DRD3: variants seen among roughly 807,000 people sequenced by gnomAD.
DRD3 encodes the protein dopamine receptor D3.
DRD3 carries 19 observed loss-of-function variants against 36.3 expected under a neutral mutation model. That is an observed-to-expected ratio of 0.52 (90% CI 0.36 to 0.77). The LOEUF (loss-of-function observed/expected upper bound fraction) is 0.77. DRD3 is among the 30% of genes least tolerant of loss of function. DRD3 has a pLI of 0.00. For missense variants in DRD3, 465 were observed against 505.3 expected (o/e 0.92, Z 0.77); for synonymous variants, 195 against 203.7 (o/e 0.96, Z 0.36).
At chr3:114,165,987 ATTTT>A (rs57837932) in intron 2 of DRD3, among the ~76,000 whole-genome samples, 2 of 112,384 alleles carry the variant, frequency 1.8e-5, no homozygotes. Context: ...AACAGTTTGT[ATTTT>A]TTTTTTTTTT....
intron 4 of DRD3, 45 bp downstream of exon 4, chr3:114,147,370 T>G: frequency 6.3e-7 from 1 of 1,596,322 alleles, no homozygotes; most frequent in South Asian, 1.1e-5. Flanking sequence ...CATTCAGCTG[T>G]GCTGTGAATC....
chr3:114,187,454 A>T (rs2077981639), intron 1 of DRD3, among the ~76,000 whole-genome samples: 14 of 152,218 alleles, frequency 9.2e-5, no homozygotes, highest in Admixed American at 9.2e-4. Context: ...AGCAGACAGG[A>T]CTTGTAGGAC....
At chr3:114,130,484 G>A (rs1423507045) in intron 6 of DRD3, among the ~76,000 whole-genome samples, 1 of 147,716 alleles carries the variant, frequency 6.8e-6, no homozygotes, top group South Asian at 2.1e-4. Context: ...GAGTGCAGTG[G>A]CGTGATCTTG....
chr3:114,142,911 C>A (rs2077539001), intron 4 of DRD3, among the ~76,000 whole-genome samples: 1 of 152,198 alleles, frequency 6.6e-6, no homozygotes, highest in Admixed American at 6.5e-5. Context: ...GTCCCCATTG[C>A]AGGCAGAGTG....
Position 114,139,715 on chromosome 3 carries a change from A to C in DRD3, c.527-19T>G. Reference sequence around the variant, plus strand: ...GGGTCCCCTGTGGATGAGAAGGGGGAAGGTAAAGCAGTTAGCAAGTATCAG... The same window carrying C: ...GGGTCCCCTGTGGATGAGAAGGGGGCAGGTAAAGCAGTTAGCAAGTATCAG... On this transcript the variant is annotated intron_variant, in intron 4 of 6. Transcript: ENST00000383673. 1 of 1,610,930 alleles carries C rather than the reference A, an allele frequency of 6.2e-7. No homozygotes were observed. The highest frequency in any genetic ancestry group is 1.3e-5 in the African/African-American group (1 of 74,958).
chr3:114,156,929 TTC>T lies in DRD3; in HGVS notation c.383+2824_383+2825del, dbSNP rs2077685687. On this transcript the variant is annotated intron_variant, in intron 3 of 6. Transcript: ENST00000383673. ...CTTCCTTCTTTCCTTCCTTCCTTCC[TTC>T]TCTTTCTTTCTTTCTTCCTTTCTTC... 1.4e-5 allele frequency among the ~76,000 whole-genome samples: 2 copies of T among 147,976 alleles called. 1 individual carries two copies. Among genetic ancestry groups the T allele is most frequent in the African/African-American group, 5.1e-5 (2 of 39,556 alleles).
chr3:114,189,139 A>C (rs1303353913), intron 1 of DRD3, among the ~76,000 whole-genome samples: 1 of 152,330 alleles, frequency 6.6e-6, no homozygotes, highest in African/African-American at 2.4e-5. Context: ...TATGGTTATC[A>C]TCTTTAATGA....
chr3:114,159,683 C>T, intron 3 of DRD3, 72 bp downstream of exon 3: 1 of 1,278,298 alleles, frequency 7.8e-7, no homozygotes, highest in Non-Finnish European at 1.1e-6. Flanking sequence ...CCCCAGTACC[C>T]TCAAGTGCAC....
rs1481285691 is a variant in DRD3, at chr3:114,154,331, GTGTGTGTGTGTGTGTA to G, written c.383+5408_383+5423del. Among the ~76,000 whole-genome samples the G allele has an allele frequency of 4.6e-5, 7 of 152,060 alleles. No homozygotes were observed. The South Asian group carries it at 1.2e-3, about 27-fold the overall frequency. Reference sequence around the variant, plus strand: ...CCCTGTCCCAGGGTGGGAGATGTGTGTGTGTGTGTGTGTGTATGTGTGTGTGTGTGCTGACAAGGGT... The same window carrying G: ...CCCTGTCCCAGGGTGGGAGATGTGTGTGTGTGTGTGTGTGCTGACAAGGGT... On this transcript the variant is annotated intron_variant, in intron 3 of 6. Coordinates refer to ENST00000383673, the MANE Select transcript of DRD3 (RefSeq NM_000796.6).
chr3:114,159,311 C>T (rs1208230158), intron 3 of DRD3, among the ~76,000 whole-genome samples: 2 of 151,870 alleles, frequency 1.3e-5, no homozygotes, highest in Non-Finnish European at 2.9e-5. Context: ...ATTATCCCTA[C>T]ACCTGCCCCT....
Position 114,127,920 on chromosome 3 carries a change from G to A in DRD3, c.*796C>T, listed in dbSNP as rs2077393486. ...TAGTGTTATGAAAAGCATATCTAAG[G>A]TATGTTCTGAACCATAAGTTTCAAC... On this transcript the variant is annotated 3_prime_UTR_variant, in exon 7 of 7. Coordinates refer to ENST00000383673, the MANE Select transcript of DRD3 (RefSeq NM_000796.6). Among the ~76,000 whole-genome samples, 1 of 152,168 alleles carries A rather than the reference G, an allele frequency of 6.6e-6. No individual in the cohort carries two copies. The highest frequency in any genetic ancestry group is 6.5e-5 in the Admixed American group (1 of 15,284).
At chr3:114,173,889 C>T (rs2077871722) in intron 1 of DRD3, among the ~76,000 whole-genome samples, 1 of 152,140 alleles carries the variant, frequency 6.6e-6, no homozygotes, top group Non-Finnish European at 1.5e-5. Context: ...AATTTGCCCT[C>T]AAGCCAGGTA....
In DRD3 at chr3:114,171,715, C is replaced by T; in HGVS notation, c.270+8G>A. ...CATAGAGACAACATGCACCTGAAGT[C>T]TACTCACCTCCAGGTATACCACCCA... is the stretch of plus-strand genomic sequence containing the variant. On this transcript the variant is annotated splice_region_variant and intron_variant, in intron 2 of 6. Coordinates refer to ENST00000383673, the MANE Select transcript of DRD3 (RefSeq NM_000796.6). 1 of 1,585,096 alleles carries T rather than the reference C, an allele frequency of 6.3e-7. No homozygotes were observed. The highest frequency in any genetic ancestry group is 8.6e-7 in the Non-Finnish European group (1 of 1,165,170).
intron 5 of DRD3, among the ~76,000 whole-genome samples, chr3:114,134,110 G>A (rs889693848): frequency 3.9e-5 from 6 of 152,124 alleles, no homozygotes; most frequent in Non-Finnish European, 7.4e-5. Context: ...TGTTTTCTAC[G>A]TAAGTTATTC....
intron 2 of DRD3, among the ~76,000 whole-genome samples, chr3:114,169,685 A>G (rs1486009): frequency 0.066 from 10,037 of 152,090 alleles, 372 homozygotes; most frequent in South Asian, 0.11. Context: ...ATTTCCTGTC[A>G]TTTTCTATAG....
rs147502467 is a variant in DRD3 at position 114,129,461 on chromosome 3, TA to T, written c.1007-550del. Among the ~76,000 whole-genome samples, 1,129 of 152,382 alleles carry T rather than the reference TA, an allele frequency of 7.4e-3. 18 individuals carry two copies. The highest frequency in any genetic ancestry group is 0.026 in the African/African-American group (1,079 of 41,586). ...TTTCATTCACTTTGGCCTTTGTTAC[TA>T]AATCAGTTTTCTAGTTGGGTCTCTA... On this transcript the variant is annotated intron_variant, in intron 6 of 6. Transcript: ENST00000383673.
intron 2 of DRD3, among the ~76,000 whole-genome samples, chr3:114,170,820 T>C (rs2077833008): frequency 6.6e-6 from 1 of 152,236 alleles, no homozygotes. Flanking sequence ...TGATCCTTCA[T>C]TGGATACCTC....
intron 1 of DRD3, among the ~76,000 whole-genome samples, chr3:114,184,507 T>C (rs971087622): frequency 6.6e-6 from 1 of 152,098 alleles, no homozygotes; most frequent in African/African-American, 2.4e-5. Flanking sequence ...CTTGCATTTA[T>C]TGAGCTCTTT....
chr3:114,159,663 T>C (rs1302225527), intron 3 of DRD3, 92 bp downstream of exon 3: 12 of 960,484 alleles, frequency 1.2e-5, no homozygotes, highest in Non-Finnish European at 2.0e-5. Context: ...CAAGTTCTAC[T>C]TGGAGGTGAC....
Sources: gnomAD v4.1 joint callset for allele counts (sites outside exome capture counted in the v4.1 genomes callset) on GRCh38, gnomAD v4.1.1 for gene constraint, MANE v1.5 for transcripts, NCBI Gene and HGNC (gene_info 2026-07-23, HGNC 2026-07-21) for gene names.